COL26A1: variants seen among roughly 807,000 people sequenced by gnomAD.
COL26A1 encodes collagen type XXVI alpha 1 chain.
A neutral mutation model predicts 59.3 loss-of-function variants in COL26A1; 41 were observed. The ratio of observed to expected loss-of-function variants is 0.69; its 90% confidence interval spans 0.54 to 0.90. The LOEUF (loss-of-function observed/expected upper bound fraction) is 0.90, where lower values mean the gene tolerates loss of function less well. Among genes scored for constraint, COL26A1 ranks in the 40% least tolerant of loss-of-function variants. The probability of loss-of-function intolerance (pLI) is 0.00; values close to 1 mark genes in which losing one functional copy is unlikely to be tolerated. For missense variants in COL26A1, 612 were observed against 602.3 expected, an observed-to-expected ratio of 1.02 and a Z score of -0.17; for synonymous variants, 266 against 256.0, an observed-to-expected ratio of 1.04 and a Z score of -0.37.
chr7:101,386,547 G>A (rs1012420865), intron 1 of COL26A1, among the ~76,000 whole-genome samples: 17 of 152,222 alleles, frequency 1.1e-4, no homozygotes, highest in Admixed American at 2.6e-4. Flanking sequence ...CTGAACCGCA[G>A]GCCCCTGGGG....
At chr7:101,435,195 G>A (rs971927460) in intron 2 of COL26A1, among the ~76,000 whole-genome samples, 2 of 152,112 alleles carry the variant, frequency 1.3e-5, no homozygotes, top group Non-Finnish European at 2.9e-5. Flanking sequence ...TGTGATGGCG[G>A]TTGCTCCTAG....
Position 101,400,352 on chromosome 7 carries a change from T to C in COL26A1, c.159-19625T>C, listed in dbSNP as rs1245553056. Reference sequence around the variant, plus strand: ...TCCACACTGCCTTTCTTTTTTTTCCTATTTTTTTTTTTTTTTTTTTTTTTT... The same window carrying C: ...TCCACACTGCCTTTCTTTTTTTTCCCATTTTTTTTTTTTTTTTTTTTTTTT... On this transcript the variant is annotated intron_variant, in intron 1 of 12. Coordinates refer to ENST00000313669, the MANE Select transcript of COL26A1 (RefSeq NM_001278563.3). 7.7e-5 allele frequency among the ~76,000 whole-genome samples: 8 copies of C among 104,252 alleles called. 1 individual carries two copies. Among genetic ancestry groups the C allele is most frequent in the Non-Finnish European group, 1.4e-4 (7 of 48,920 alleles). 68.4% of individuals were successfully genotyped at this position (104,252 alleles called of 152,430 possible).
Position 101,502,113 on chromosome 7 carries a change from G to T in COL26A1, c.386-30969G>T, listed in dbSNP as rs530590565. On this transcript the variant is annotated intron_variant, in intron 3 of 12. Transcript: ENST00000313669. ...GCCTATAATCCCAGCACTTTGGGAG[G>T]CTGGGGCAGGCAGATCACCTGAGTT... Among the ~76,000 whole-genome samples the T allele has an allele frequency of 4.6e-5, 7 of 152,340 alleles. No homozygotes were observed. In the South Asian group the frequency reaches 1.4e-3, roughly 32 times the overall value.
chr7:101,409,693 T>C (rs1792200128), intron 1 of COL26A1, among the ~76,000 whole-genome samples: 1 of 152,174 alleles, frequency 6.6e-6, no homozygotes, highest in African/African-American at 2.4e-5. Context: ...AGCATTTAAT[T>C]ATTTCAAGGC....
At chr7:101,535,746 C>T (rs1478209276) in intron 4 of COL26A1, among the ~76,000 whole-genome samples, 1 of 152,152 alleles carries the variant, frequency 6.6e-6, no homozygotes, top group Non-Finnish European at 1.5e-5. Context: ...CTCTGGATCT[C>T]AGTCGGATGG....
At chr7:101,444,198 T>C (rs1227872522) in intron 2 of COL26A1, among the ~76,000 whole-genome samples, 1 of 152,002 alleles carries the variant, frequency 6.6e-6, no homozygotes, top group African/African-American at 2.4e-5. Flanking sequence ...GTTTTCTTCA[T>C]TGAAGTGTCT....
At chr7:101,515,814 T>C (rs1321255668) in intron 3 of COL26A1, among the ~76,000 whole-genome samples, 1 of 151,074 alleles carries the variant, frequency 6.6e-6, no homozygotes, top group Non-Finnish European at 1.5e-5. Context: ...GTCTTGAACT[T>C]CTGGCCTCCA....
At chr7:101,549,926 C>G (rs1446081025) in intron 9 of COL26A1, among the ~76,000 whole-genome samples, 2 of 152,198 alleles carry the variant, frequency 1.3e-5, no homozygotes, top group African/African-American at 4.8e-5. Flanking sequence ...AAGCCTGACT[C>G]AGCCCCTAAC....
At position 101,416,131 on chromosome 7, in the gene COL26A1, C is replaced by T. The variant is rs755821583; in HGVS notation, c.159-3846C>T. On this transcript the variant is annotated intron_variant, in intron 1 of 12. Transcript: ENST00000313669. ...GAGTTTAGCAGGGCATGGTGGCACA[C>T]GCCTGGAATCCCAGCCCTTTGGGAA... Among the ~76,000 whole-genome samples, 13 of 143,124 alleles carry T rather than the reference C, an allele frequency of 9.1e-5. 1 individual carries two copies. Among genetic ancestry groups the T allele is most frequent in the African/African-American group, 1.7e-4 (7 of 40,532 alleles). The allele number at this position is 143,124 out of a possible 152,430, so 93.9% of individuals were successfully genotyped here.
At chr7:101,399,466 G>T (rs1054602585) in intron 1 of COL26A1, among the ~76,000 whole-genome samples, 2 of 152,184 alleles carry the variant, frequency 1.3e-5, no homozygotes, top group African/African-American at 4.8e-5. Flanking sequence ...TAGGATTACA[G>T]GTGTGCACCA....
At position 101,393,783 on chromosome 7, in the gene COL26A1, G is replaced by A. The variant is rs12538867; in HGVS notation, c.159-26194G>A. ...TATTTTAGAGACAGGGTCTCACTCT[G>A]TCACCCAGGCTGGAGTGCAGTGGTG... is the stretch of plus-strand genomic sequence containing the variant. On this transcript the variant is annotated intron_variant, in intron 1 of 12. Transcript: ENST00000313669. Among the ~76,000 whole-genome samples the A allele has an allele frequency of 8.5e-3, 1,293 of 151,692 alleles. 18 individuals are homozygous for A. The highest frequency in any genetic ancestry group is 0.04 in the Admixed American group (610 of 15,232).
chr7:101,391,200 G>C lies in COL26A1; in HGVS notation c.158+28010G>C, dbSNP rs115608512. 1.7e-3 allele frequency among the ~76,000 whole-genome samples: 260 copies of C among 152,344 alleles called. 2 individuals carry two copies. The highest frequency in any genetic ancestry group is 6.2e-3 in the African/African-American group (258 of 41,572). The stretch of plus-strand genomic sequence containing the variant: ...GTGTCCGGTTCTGGGGGCAAGGCAG[G>C]AGTTTCTCTGGTCTCAGTTTATTCA... On this transcript the variant is annotated intron_variant, in intron 1 of 12. Transcript: ENST00000313669.
intron 3 of COL26A1, among the ~76,000 whole-genome samples, chr7:101,504,252 C>T (rs1794761572): frequency 6.6e-6 from 1 of 152,198 alleles, no homozygotes; most frequent in South Asian, 2.1e-4. Context: ...AGGCGCGTGC[C>T]ACCACACCCC....
chr7:101,444,441 G>A (rs1202862744), intron 2 of COL26A1, among the ~76,000 whole-genome samples: 1 of 140,698 alleles, frequency 7.1e-6, no homozygotes, highest in Non-Finnish European at 1.5e-5. Context: ...TTGAGACAGA[G>A]TTTCACTCTT....
chr7:101,526,783 A>G (rs1795256162), intron 3 of COL26A1, among the ~76,000 whole-genome samples: 1 of 152,168 alleles, frequency 6.6e-6, no homozygotes, highest in Non-Finnish European at 1.5e-5. Context: ...ACCGGTGGCA[A>G]GAGTGAAGAG....
intron 1 of COL26A1, among the ~76,000 whole-genome samples, chr7:101,384,496 GGGATTACAGAC>G (rs1388388982): frequency 6.6e-6 from 1 of 151,982 alleles, no homozygotes; most frequent in Non-Finnish European, 1.5e-5. Flanking sequence ...CCAAAGTGCT[GGGATTACAGAC>G]ATGAGGTACT....
chr7:101,387,770 A>ATTTTTTTT (rs1304839639), intron 1 of COL26A1, among the ~76,000 whole-genome samples: 7 of 36,540 alleles, frequency 1.9e-4, no homozygotes, highest in African/African-American at 3.0e-4. Flanking sequence ...ATATATATAT[A>ATTTTTTTT]TATATATATT....
At chr7:101,508,690 C>G (rs996256613) in intron 3 of COL26A1, among the ~76,000 whole-genome samples, 3 of 151,912 alleles carry the variant, frequency 2.0e-5, no homozygotes, top group African/African-American at 4.8e-5. Flanking sequence ...CCATCACTCA[C>G]GAAACCTGAC....
chr7:101,522,513 C>G lies in COL26A1; in HGVS notation c.386-10569C>G, dbSNP rs1212581104. 2.6e-5 allele frequency among the ~76,000 whole-genome samples: 4 copies of G among 152,144 alleles called. No individual in the cohort carries two copies. In the East Asian group the frequency reaches 5.8e-4, roughly 22 times the overall value. ...GTTTGGGAACAGCTTCTCCTGCAGC[C>G]CCCAGCAACTATTTCCCATTTCCAC... is the stretch of plus-strand genomic sequence containing the variant. On this transcript the variant is annotated intron_variant, in intron 3 of 12. Coordinates refer to ENST00000313669, the MANE Select transcript of COL26A1 (RefSeq NM_001278563.3).
Sources: gnomAD v4.1 joint callset for allele counts (sites outside exome capture counted in the v4.1 genomes callset) on GRCh38, gnomAD v4.1.1 for gene constraint, MANE v1.5 for transcripts, NCBI Gene and HGNC (gene_info 2026-07-23, HGNC 2026-07-21) for gene names.